The following TRIM45 variants were observed in gnomAD, a reference collection of about 807,000 sequenced individuals.
TRIM45 encodes the protein E3 ubiquitin-protein ligase TRIM45.
Under a neutral mutation model 46.7 loss-of-function variants are expected in TRIM45, and 45 were observed. The observed-to-expected ratio is 0.96, with a 90% CI of 0.76 to 1.24. The LOEUF is 1.24. TRIM45 is among the 50% of genes most tolerant of loss of function. The pLI is 0.00. For synonymous variants in TRIM45, 259 were observed against 285.8 expected (o/e 0.91, Z 0.94); for missense variants, 680 against 728.4 (o/e 0.93, Z 0.77).
In TRIM45 at chr1:117,115,212, T is replaced by G. The variant is rs1463195301; in HGVS notation, c.1467+363A>C. Among the ~76,000 whole-genome samples, 1 of 152,158 alleles carries G rather than the reference T, an allele frequency of 6.6e-6. No homozygotes were observed. Among genetic ancestry groups the G allele is most frequent in the Non-Finnish European group, 1.5e-5 (1 of 68,016 alleles). ...ACTGTGTTCATGTCCAGACACAGTC[T>G]GGACAAAACTGGAAAATCCTGAGCT... On this transcript the variant is annotated intron_variant, in intron 4 of 5. Transcript: ENST00000256649. This position sits in a 1 kb window ranked among gnomAD's most constrained non-coding sequence, Gnocchi z 4.2.
rs1203919573 is a variant in TRIM45 at position 117,121,481 on chromosome 1, G to C, written c.-280C>G. ...CAAGTCCTCCCCGGATGCGCTTCCA[G>C]GTCTAGCTCTCCAGCTAGTCCTGCT... On this transcript the variant is annotated 5_prime_UTR_variant, in exon 1 of 6. Transcript: ENST00000256649. The surrounding 1 kb of genome is among the most constrained non-coding windows in gnomAD (Gnocchi z 4.2). The C allele has an allele frequency of 1.9e-6, 1 of 519,956 alleles. No individual in the cohort carries two copies. The highest frequency in any genetic ancestry group is 3.4e-6 in the Non-Finnish European group (1 of 296,360). 32.2% of individuals were successfully genotyped at this position (519,956 alleles called of 1,614,324 possible). A position where few individuals can be genotyped will look rare whatever the true frequency, so the allele number is the denominator to read the frequency against.
rs376964531 is a variant in TRIM45 at position 117,118,016 on chromosome 1, T to C, written c.1222+18A>G. On this transcript the variant is annotated intron_variant, in intron 2 of 5. Transcript: ENST00000256649. This position sits in a 1 kb window ranked among gnomAD's most constrained non-coding sequence, Gnocchi z 5.7. ...CTGTCCACTGCCCTCTCAATGTCAA[T>C]GGGAAATGCCTTCCTACCTTCTCCT... 1.1e-4 allele frequency: 182 copies of C among 1,602,230 alleles called. No individual in the cohort carries two copies. Among genetic ancestry groups the C allele is most frequent in the Non-Finnish European group, 1.5e-4 (171 of 1,173,942 alleles).
chr1:117,115,561 T>G lies in TRIM45; in HGVS notation c.1467+14A>C. ...AATCCAGGGAGCTCAGGGAAGCACG[T>G]GCACCAGTCTTACCTGCACATGCTG... is the stretch of plus-strand genomic sequence containing the variant. On this transcript the variant is annotated intron_variant, in intron 4 of 5. Coordinates refer to ENST00000256649, the MANE Select transcript of TRIM45 (RefSeq NM_025188.4). This position sits in a 1 kb window ranked among gnomAD's most constrained non-coding sequence, Gnocchi z 4.2. 1.3e-6 allele frequency: 2 copies of G among 1,593,878 alleles called. No homozygotes were observed. Among genetic ancestry groups the G allele is most frequent in the Non-Finnish European group, 8.6e-7 (1 of 1,161,582 alleles).
chr1:117,113,262 T>C lies in TRIM45; in HGVS notation c.1594+97A>G, dbSNP rs1650285806. 2 of 1,510,536 alleles carry C rather than the reference T, an allele frequency of 1.3e-6. No individual in the cohort carries two copies. The highest frequency in any genetic ancestry group is 1.4e-5 in the African/African-American group (1 of 72,666). The allele number at this position is 1,510,536 out of a possible 1,614,324, so 93.6% of individuals were successfully genotyped here. On this transcript the variant is annotated intron_variant, in intron 5 of 5. Transcript: ENST00000256649. This position sits in a 1 kb window ranked among gnomAD's most constrained non-coding sequence, Gnocchi z 4.0. ...GACTGTGCTTCCTAGAAACAGAGCCTAAGTCCAAATGTCTAGTGGCTGTGT... is the reference window on the plus strand; with the variant it reads ...GACTGTGCTTCCTAGAAACAGAGCCCAAGTCCAAATGTCTAGTGGCTGTGT...
chr1:117,111,813 G>C lies in TRIM45; in HGVS notation c.*492C>G, dbSNP rs545895609. On this transcript the variant is annotated 3_prime_UTR_variant, in exon 6 of 6. Coordinates refer to ENST00000256649, the MANE Select transcript of TRIM45 (RefSeq NM_025188.4). ...AAATTAGCTGGGTGTGGGGGAAGGTGGGGGGGAACCTGTAATCCCAGCTAC... is the reference window on the plus strand; with the variant it reads ...AAATTAGCTGGGTGTGGGGGAAGGTCGGGGGGAACCTGTAATCCCAGCTAC... 1.4e-5 allele frequency: 2 copies of C among 142,742 alleles called. No homozygotes were observed. Among genetic ancestry groups the C allele is most frequent in the African/African-American group, 2.6e-5 (1 of 38,066 alleles). 8.8% of individuals were successfully genotyped at this position (142,742 alleles called of 1,614,324 possible). A position where few individuals can be genotyped will look rare whatever the true frequency, so the allele number is the denominator to read the frequency against.
rs80280718 is a variant in TRIM45 at position 117,116,031 on chromosome 1, G to A, written c.1353-342C>T. On this transcript the variant is annotated intron_variant, in intron 3 of 5. Transcript: ENST00000256649. The surrounding 1 kb of genome is among the most constrained non-coding windows in gnomAD (Gnocchi z 4.6). ...CATAATTTAGTACCAAAGGGAGACT[G>A]AATTTTGAAAAGGGTACCATTCAGT... Among the ~76,000 whole-genome samples the A allele has an allele frequency of 9.4e-3, 1,427 of 152,254 alleles. 19 individuals are homozygous for A. Among genetic ancestry groups the A allele is most frequent in the African/African-American group, 0.031 (1,280 of 41,530 alleles).
At chr1:117,123,255 C>T (rs1333044119), upstream of TRIM45, among the ~76,000 whole-genome samples, 8 of 152,192 alleles carry the variant, frequency 5.3e-5, no homozygotes, top group Non-Finnish European at 1.5e-5. Context: ...TCGGCATTCG[C>T]CTCTCCAGTA....
upstream of TRIM45, among the ~76,000 whole-genome samples, chr1:117,123,083 G>A (rs567479343): frequency 6.7e-6 from 1 of 150,232 alleles, no homozygotes; most frequent in South Asian, 2.1e-4. Context: ...AAAATGAAAT[G>A]TTTGGCCATT....
At position 117,118,246 on chromosome 1, in the gene TRIM45, C is replaced by T. The variant is rs189628686; in HGVS notation, c.1010G>A (p.Ser337Asn). 1,709 of 1,614,228 alleles carry T rather than the reference C, an allele frequency of 1.1e-3. 15 individuals carry two copies. Among genetic ancestry groups the T allele is most frequent in the Non-Finnish European group, 1.4e-4 (168 of 1,180,034 alleles). Reference sequence around the variant, plus strand: ...GATGAGGATCTCCAAGTCTGAGCCGCTGGTCAGCAAGTGCTCGGTGAACTC... The same window carrying T: ...GATGAGGATCTCCAAGTCTGAGCCGTTGGTCAGCAAGTGCTCGGTGAACTC... ...GVEFTEHLLT[S>N]GSDLEILITK... The change falls in exon 2 of 6, where the codon AGC becomes AAC. Residue 337 changes from serine (S) to asparagine (N), a missense_variant. Coordinates refer to ENST00000256649, the MANE Select transcript of TRIM45 (RefSeq NM_025188.4). This position sits in a 1 kb window ranked among gnomAD's most constrained non-coding sequence, Gnocchi z 5.7.
chr1:117,112,405 G>A lies in TRIM45; in HGVS notation c.1643C>T (p.Pro548Leu), dbSNP rs187082613. The A allele has an allele frequency of 8.7e-6, 14 of 1,614,018 alleles. No homozygotes were observed. In the East Asian group the frequency reaches 2.5e-4, roughly 28 times the overall value. ...GHGHKGHPGH[P>L]HWSCCGKFNE... ...AAATTTTCCACAGCATGACCAGTGG[G>A]GATGACCTGGGTGGCCTTTGTGTCC... Residue 548 changes from proline (P) to leucine (L), a missense_variant, in exon 6 of 6, where the codon CCC (proline) becomes CTC (leucine). Transcript: ENST00000256649.
Position 117,115,559 on chromosome 1 carries a change from C to G in TRIM45, c.1467+16G>C. The G allele has an allele frequency of 6.3e-7, 1 of 1,578,018 alleles. No homozygotes were observed. The highest frequency in any genetic ancestry group is 2.2e-5 in the East Asian group (1 of 44,686). On this transcript the variant is annotated intron_variant, in intron 4 of 5. Transcript: ENST00000256649. The surrounding 1 kb of genome is among the most constrained non-coding windows in gnomAD (Gnocchi z 4.2). Reference sequence around the variant, plus strand: ...AGAATCCAGGGAGCTCAGGGAAGCACGTGCACCAGTCTTACCTGCACATGC... The same window carrying G: ...AGAATCCAGGGAGCTCAGGGAAGCAGGTGCACCAGTCTTACCTGCACATGC...
At chr1:117,123,699 G>A (rs1266286804), upstream of TRIM45, among the ~76,000 whole-genome samples, 3 of 150,746 alleles carry the variant, frequency 2.0e-5, no homozygotes, top group Non-Finnish European at 2.9e-5. Flanking sequence ...GCAGGATCTC[G>A]GCACACTGCA....
chr1:117,123,554 C>T (rs1650743749), upstream of TRIM45, among the ~76,000 whole-genome samples: 1 of 152,042 alleles, frequency 6.6e-6, no homozygotes, highest in Non-Finnish European at 1.5e-5. Flanking sequence ...CCCAAGTTAA[C>T]ATATCTGGAA....
At chr1:117,114,771 C>T (rs1650337120) in intron 4 of TRIM45, among the ~76,000 whole-genome samples, 1 of 152,182 alleles carries the variant, frequency 6.6e-6, no homozygotes, top group South Asian at 2.1e-4. Flanking sequence ...TAACCTGTTC[C>T]TGACATACCA....
In TRIM45 at chr1:117,121,099, GC is replaced by G; in HGVS notation, c.102del (p.Leu35PhefsTer27). The G allele has an allele frequency of 6.2e-7, 1 of 1,613,936 alleles. No individual in the cohort carries two copies. Among genetic ancestry groups the G allele is most frequent in the Non-Finnish European group, 8.5e-7 (1 of 1,179,950 alleles). ...SGKTHCPLCL[G>X]LFKAPRLLPC... ...GGCAAGAGCCTGGGGGCTTTGAAAAGCCCCAAGCACAGGGGGCAGTGAGTCT... is the reference window on the plus strand; with the variant it reads ...GGCAAGAGCCTGGGGGCTTTGAAAAGCCCAAGCACAGGGGGCAGTGAGTCT... On this transcript the variant is annotated frameshift_variant, in exon 1 of 6. Coordinates refer to ENST00000256649, the MANE Select transcript of TRIM45 (RefSeq NM_025188.4). LOFTEE classifies it high-confidence loss of function. This position sits in a 1 kb window ranked among gnomAD's most constrained non-coding sequence, Gnocchi z 4.2.
Position 117,118,148 on chromosome 1 carries a change from C to T in TRIM45, c.1108G>A (p.Asp370Asn). The T allele has an allele frequency of 6.2e-7, 1 of 1,614,214 alleles. No homozygotes were observed. The highest frequency in any genetic ancestry group is 1.6e-4 in the Middle Eastern group (1 of 6,062). ...TCCTGAGGACAGAAGCGTATCTTAT[C>T]ATTTACTCCAGGACGGGTGCTATAT... ...VQYSTRPGVN[D>N]KIRFCPQEKA... The change falls in exon 2 of 6, where the codon GAT becomes AAT. Residue 370 changes from aspartate (D) to asparagine (N), a missense_variant. Physicochemically the swap from Asp to Asn is conservative, Grantham distance 23. Transcript: ENST00000256649. This position sits in a 1 kb window ranked among gnomAD's most constrained non-coding sequence, Gnocchi z 5.7.
upstream of TRIM45, chr1:117,121,817 C>T (rs1257341719): frequency 1.4e-6 from 1 of 713,762 alleles, no homozygotes; most frequent in Non-Finnish European, 2.6e-6. The surrounding 1 kb of genome is among the most constrained non-coding windows in gnomAD (Gnocchi z 4.2). Flanking sequence ...AGCGGCGGCC[C>T]TCGCCGCTCC....
At position 117,116,359 on chromosome 1, in the gene TRIM45, G is replaced by A. The variant is rs1292995123; in HGVS notation, c.1352+257C>T. On this transcript the variant is annotated intron_variant, in intron 3 of 5. Coordinates refer to ENST00000256649, the MANE Select transcript of TRIM45 (RefSeq NM_025188.4). The surrounding 1 kb of genome is among the most constrained non-coding windows in gnomAD (Gnocchi z 4.6). Reference sequence around the variant, plus strand: ...AGGGATCCTCCCATCTCAGCCTCCTGAATAGCTGGGATTATAGGCATATGC... The same window carrying A: ...AGGGATCCTCCCATCTCAGCCTCCTAAATAGCTGGGATTATAGGCATATGC... Among the ~76,000 whole-genome samples the A allele has an allele frequency of 6.6e-6, 1 of 151,444 alleles. No homozygotes were observed. The highest frequency in any genetic ancestry group is 2.4e-5 in the African/African-American group (1 of 41,172).
Position 117,118,522 on chromosome 1 carries a change from G to A in TRIM45, c.734C>T (p.Thr245Ile). The change falls in exon 2 of 6, where the codon ACT becomes ATT. Residue 245 changes from threonine (T) to isoleucine (I), a missense_variant. By Grantham distance (89) the Thr-to-Ile change is moderately conservative (BLOSUM62 -1). Around this residue, in one of 3 missense-constraint regions of TRIM45, gnomAD observed 349 missense variants for 343.6 expected, o/e 1.02. Coordinates refer to ENST00000256649, the MANE Select transcript of TRIM45 (RefSeq NM_025188.4). This position sits in a 1 kb window ranked among gnomAD's most constrained non-coding sequence, Gnocchi z 5.7. ...CTCCAGGGCCTCCACGTGGGGCTGAGTACCTTTGAGGAGCTCCCACACAGA... is the reference window on the plus strand; with the variant it reads ...CTCCAGGGCCTCCACGTGGGGCTGAATACCTTTGAGGAGCTCCCACACAGA... ...GDSVWELLKG[T>I]QPHVEALEEA... 1.2e-6 allele frequency: 2 copies of A among 1,614,200 alleles called. No individual in the cohort carries two copies. Among genetic ancestry groups the A allele is most frequent in the Non-Finnish European group, 1.7e-6 (2 of 1,180,038 alleles).
Sources: allele counts gnomAD v4.1 joint callset (sites outside exome capture counted in the v4.1 genomes callset), GRCh38; gene constraint gnomAD v4.1.1; regional missense constraint gnomAD v4.1.1; non-coding constraint Gnocchi (gnomAD v3.1); transcripts MANE v1.5; gene names NCBI Gene and HGNC (gene_info 2026-07-23, HGNC 2026-07-21).